Variants in GSTA4 observed in about 807,000 individuals in gnomAD.
The protein encoded by GSTA4 is glutathione S-transferase A4.
In GSTA4, 15 loss-of-function variants were observed where a neutral mutation model predicts 24.4. That is an observed-to-expected ratio of 0.61 (90% CI 0.41 to 0.95). The LOEUF (loss-of-function observed/expected upper bound fraction) is 0.95, where lower values mean the gene tolerates loss of function less well. Ranked by LOEUF, GSTA4 falls within the 40% of genes least tolerant of loss-of-function variation. The pLI, the probability that GSTA4 is intolerant of heterozygous loss-of-function variation, is 0.00. For synonymous variants in GSTA4, 92 were observed against 94.2 expected (o/e 0.98, Z 0.13); for missense variants, 244 against 262.1 (o/e 0.93, Z 0.48).
Position 52,978,109 on chromosome 6 carries a change from A to G in GSTA4, c.*361T>C, listed in dbSNP as rs1442193833. 13 of 190,056 alleles carry G rather than the reference A, an allele frequency of 6.8e-5. No homozygotes were observed. Among genetic ancestry groups the G allele is most frequent in the Middle Eastern group, 2.0e-3 (1 of 510 alleles). 11.8% of individuals were successfully genotyped at this position (190,056 alleles called of 1,614,324 possible). A position where few individuals can be genotyped will look rare whatever the true frequency, so the allele number is the denominator to read the frequency against. On this transcript the variant is annotated 3_prime_UTR_variant, in exon 7 of 7. Coordinates refer to ENST00000370963, the MANE Select transcript of GSTA4 (RefSeq NM_001512.4). ...CTGGAGGGGATAAGGATAAGAGAACAGGATAAGGAGAGCAGAAAGACGCTC... is the reference window on the plus strand; with the variant it reads ...CTGGAGGGGATAAGGATAAGAGAACGGGATAAGGAGAGCAGAAAGACGCTC...
Position 52,983,795 on chromosome 6 carries a change from C to T in GSTA4, c.414+669G>A, listed in dbSNP as rs529769375. Among the ~76,000 whole-genome samples, 3 of 152,286 alleles carry T rather than the reference C, an allele frequency of 2.0e-5. No homozygotes were observed. In the East Asian group the frequency reaches 5.8e-4, roughly 29 times the overall value. On this transcript the variant is annotated intron_variant, in intron 5 of 6. Coordinates refer to ENST00000370963, the MANE Select transcript of GSTA4 (RefSeq NM_001512.4). ...TGCCTGTGGGAAAGATACCATAAAA[C>T]CTAGCTACAGAAACCCCAGAAAATA...
At chr6:52,980,506 G>T (rs1763432517) in intron 6 of GSTA4, among the ~76,000 whole-genome samples, 1 of 152,074 alleles carries the variant, frequency 6.6e-6, no homozygotes, top group African/African-American at 2.4e-5. Flanking sequence ...GTTTCACCAT[G>T]TTGGCCAGAC....
chr6:52,994,229 G>A lies in GSTA4; in HGVS notation c.15C>T (p.Pro5=), dbSNP rs1476003460. The A allele has an allele frequency of 1.2e-6, 2 of 1,612,208 alleles. No individual in the cohort carries two copies. Among genetic ancestry groups the A allele is most frequent in the Admixed American group, 3.3e-5 (2 of 60,006 alleles). Residue 5 remains proline (P), a synonymous_variant, in exon 2 of 7, where the codon CCC becomes CCT. Coordinates refer to ENST00000370963, the MANE Select transcript of GSTA4 (RefSeq NM_001512.4). The part of the protein sequence containing the change: MAAR[P]KLHYPNGRGR... Reference sequence around the variant, plus strand: ...CTCTTCCGTTGGGATAGTGGAGCTTGGGCCTTGCTGCCATGATAGCTTTTC... The same window carrying A: ...CTCTTCCGTTGGGATAGTGGAGCTTAGGCCTTGCTGCCATGATAGCTTTTC...
At chr6:52,982,794 GAA>G (rs1763477416) in intron 5 of GSTA4, 89 bp from the exon 6 acceptor site, 1 of 982,548 alleles carries the variant, frequency 1.0e-6, no homozygotes, top group South Asian at 1.4e-5. Context: ...GAGAAGAGGT[GAA>G]ACTATGACCT....
intron 6 of GSTA4, among the ~76,000 whole-genome samples, chr6:52,981,526 A>C (rs937550359): frequency 6.6e-6 from 1 of 152,254 alleles, no homozygotes; most frequent in Non-Finnish European, 1.5e-5. Context: ...GTACCAATGA[A>C]ATTTATGAAT....
chr6:52,982,847 C>T (rs1460332809), intron 5 of GSTA4, 142 bp from the exon 6 acceptor site: 4 of 664,480 alleles, frequency 6.0e-6, no homozygotes, highest in Middle Eastern at 2.4e-4. Flanking sequence ...ATTAAGAGAA[C>T]GCACCCTATA....
intron 6 of GSTA4, 70 bp from the exon 7 acceptor site, chr6:52,978,662 C>A: frequency 9.1e-7 from 1 of 1,099,606 alleles, no homozygotes; most frequent in Non-Finnish European, 1.3e-6. Flanking sequence ...TATGGTTATG[C>A]AAAATGGCCC....
intron 2 of GSTA4, among the ~76,000 whole-genome samples, chr6:52,990,926 C>G (rs778724419): frequency 3.5e-4 from 53 of 152,192 alleles, no homozygotes; most frequent in Non-Finnish European, 1.6e-4. Context: ...AAAATGAGCT[C>G]AGGATCACCA....
intron 2 of GSTA4, chr6:52,987,773 T>C (rs1474099746): frequency 6.2e-6 from 1 of 161,724 alleles, no homozygotes; most frequent in African/African-American, 2.4e-5. Context: ...CAGTTCAAAA[T>C]GGCTAGAAGA....
chr6:52,980,780 CCA>C (rs1419032149), intron 6 of GSTA4, among the ~76,000 whole-genome samples: 2 of 152,182 alleles, frequency 1.3e-5, no homozygotes, highest in African/African-American at 4.8e-5. Context: ...ACTCAGTCAT[CCA>C]CAGTCTTGCA....
chr6:52,991,163 G>A (rs1294360586), intron 2 of GSTA4, among the ~76,000 whole-genome samples: 7 of 152,188 alleles, frequency 4.6e-5, no homozygotes, highest in South Asian at 2.1e-4. Context: ...CATTTACCTC[G>A]CCTTTCCTAT....
At chr6:52,982,382 C>T (rs1763467933) in intron 6 of GSTA4, among the ~76,000 whole-genome samples, 192 bp downstream of exon 6, 1 of 151,970 alleles carries the variant, frequency 6.6e-6, no homozygotes, top group Admixed American at 6.5e-5. Flanking sequence ...CTTCAATGAT[C>T]TTTCAACTTG....
chr6:52,980,967 T>A (rs1246756156), intron 6 of GSTA4, among the ~76,000 whole-genome samples: 1 of 152,198 alleles, frequency 6.6e-6, no homozygotes, highest in African/African-American at 2.4e-5. Context: ...GCAGATCCCT[T>A]CCTCTAATTT....
Position 52,987,404 on chromosome 6 carries a change from T to C in GSTA4, c.92A>G (p.Asp31Gly). The C allele has an allele frequency of 5.8e-6, 9 of 1,558,938 alleles. No homozygotes were observed. The highest frequency in any genetic ancestry group is 7.9e-6 in the Non-Finnish European group (9 of 1,132,336). ...WVLAAAGVEF[D>G]EEFLETKEQL... ...TTCTTTTGTTTCCAGAAATTCTTCA[T>C]CAAACTAAATTTTTAAAAAAGAAAC... The change falls in exon 3 of 7, where the codon GAT (aspartate) becomes GGT (glycine). Residue 31 changes from aspartate (D) to glycine (G), a missense_variant. Asp to Gly is a moderately conservative substitution (Grantham distance 94). Coordinates refer to ENST00000370963, the MANE Select transcript of GSTA4 (RefSeq NM_001512.4).
chr6:52,982,454 G>T, intron 6 of GSTA4, 120 bp downstream of exon 6: 1 of 611,164 alleles, frequency 1.6e-6, no homozygotes, highest in Non-Finnish European at 2.7e-6. Context: ...TGCCAAACTA[G>T]AATCTTAAAA....
chr6:52,993,012 G>A (rs1763693222), intron 2 of GSTA4, among the ~76,000 whole-genome samples: 1 of 151,952 alleles, frequency 6.6e-6, no homozygotes, highest in South Asian at 2.1e-4. Context: ...CTGAGGCAGG[G>A]GAATTGCTTG....
At position 52,978,647 on chromosome 6, in the gene GSTA4, G is replaced by T. The variant is rs16883308; in HGVS notation, c.547-55C>A. The T allele has an allele frequency of 5.0e-6, 7 of 1,387,742 alleles. No individual in the cohort carries two copies. The South Asian group carries it at 7.7e-5, about 15-fold the overall frequency. The allele number at this position is 1,387,742 out of a possible 1,614,324, so 86.0% of individuals were successfully genotyped here. On this transcript the variant is annotated intron_variant, in intron 6 of 6. Transcript: ENST00000370963. ...TAACAAAAAAGGTATTAGATACTAC[G>T]AAGATATGGTTATGCAAAATGGCCC...
At chr6:52,981,973 A>G (rs556712334) in intron 6 of GSTA4, among the ~76,000 whole-genome samples, 57 of 152,328 alleles carry the variant, frequency 3.7e-4, no homozygotes, top group Admixed American at 1.7e-3. Context: ...TAGGGTGCTA[A>G]CATCTCTCAT....
rs559996570 is a variant in GSTA4, at chr6:52,992,632, A to T, written c.87+1525T>A. 7.2e-5 allele frequency among the ~76,000 whole-genome samples: 11 copies of T among 152,272 alleles called. 1 individual carries two copies. In the South Asian group the frequency reaches 2.3e-3, roughly 32 times the overall value. ...AACCCATAACCTCAGTCTAATCATG[A>T]AAAAAACAAGATAAACCCAATTTGT... On this transcript the variant is annotated intron_variant, in intron 2 of 6. Transcript: ENST00000370963.
Sources: allele counts gnomAD v4.1 joint callset (sites outside exome capture counted in the v4.1 genomes callset), GRCh38; gene constraint gnomAD v4.1.1; transcripts MANE v1.5; gene names NCBI Gene and HGNC (gene_info 2026-07-23, HGNC 2026-07-21).